The following FSTL4 variants were observed in gnomAD, a reference collection of about 807,000 sequenced individuals.
The protein encoded by FSTL4 is follistatin like 4, also known as follistatin-related protein 4.
Under a neutral mutation model 78.2 loss-of-function variants are expected in FSTL4, and 28 were observed. The ratio of observed to expected loss-of-function variants is 0.36; its 90% CI spans 0.27 to 0.49. The LOEUF is 0.49. Among genes scored for constraint, FSTL4 ranks in the 20% least tolerant of loss-of-function variants. FSTL4 has a pLI of 0.98. For missense variants in FSTL4, 922 were observed against 1,084.9 expected, an observed-to-expected ratio of 0.85 and a Z score of 2.11; for synonymous variants, 422 against 440.5, an observed-to-expected ratio of 0.96 and a Z score of 0.53.
At chr5:133,316,427 A>C in intron 5 of FSTL4, 32 bp downstream of exon 5, 1 of 1,574,514 alleles carries the variant, frequency 6.4e-7, no homozygotes, top group South Asian at 1.1e-5. Context: ...GGATTCCTCC[A>C]TCATGTGACT....
At chr5:133,673,705 A>G in the FSTL4 span, among the ~76,000 whole-genome samples, 7 of 152,124 alleles carry the variant, frequency 4.6e-5, no homozygotes, top group African/African-American at 1.4e-4. Flanking sequence ...TATTATATGC[A>G]CAGAGCTCTG....
At chr5:133,340,612 G>A (rs1754558719) in intron 4 of FSTL4, among the ~76,000 whole-genome samples, 1 of 152,134 alleles carries the variant, frequency 6.6e-6, no homozygotes, top group South Asian at 2.1e-4. Flanking sequence ...GCCACCAGGA[G>A]AAGGCAGGAA....
intron 4 of FSTL4, among the ~76,000 whole-genome samples, chr5:133,375,941 T>G (rs1261197229): frequency 6.6e-6 from 1 of 152,224 alleles, no homozygotes; most frequent in Non-Finnish European, 1.5e-5. Flanking sequence ...AATGGAGAGA[T>G]ATACTATGTT....
chr5:133,612,410 C>T lies in FSTL4; in HGVS notation c.-96G>A, dbSNP rs1761118663. The T allele has an allele frequency of 6.6e-6, 1 of 151,956 alleles. No homozygotes were observed. Among genetic ancestry groups the T allele is most frequent in the Admixed American group, 6.6e-5 (1 of 15,256 alleles). 9.4% of individuals were successfully genotyped at this position (151,956 alleles called of 1,614,324 possible). ...CACCCCGTGGCGGCGGCGGCGACCC[C>T]GCCCCGCGTCCTTCGGCTGGTTTCT... On this transcript the variant is annotated 5_prime_UTR_variant, in exon 1 of 16. Transcript: ENST00000265342. This position sits in a 1 kb window ranked among gnomAD's most constrained non-coding sequence, Gnocchi z 6.2.
chr5:133,550,542 C>G (rs1008456723), intron 3 of FSTL4, among the ~76,000 whole-genome samples: 1 of 152,198 alleles, frequency 6.6e-6, no homozygotes, highest in African/African-American at 2.4e-5. Context: ...AGAGCCTACT[C>G]AGAAGGTGGG....
At chr5:133,406,137 G>T (rs1474024027) in intron 3 of FSTL4, among the ~76,000 whole-genome samples, 1 of 152,258 alleles carries the variant, frequency 6.6e-6, no homozygotes, top group Non-Finnish European at 1.5e-5. Context: ...ACTCTGGTCA[G>T]GGAAGCCTCT....
chr5:133,802,070 G>A, the FSTL4 span, among the ~76,000 whole-genome samples: 2 of 152,160 alleles, frequency 1.3e-5, no homozygotes, highest in Non-Finnish European at 2.9e-5. Flanking sequence ...CTCTCCTTCA[G>A]AGCACTTAGC....
chr5:133,241,628 TGAA>T (rs1751876754), intron 7 of FSTL4, among the ~76,000 whole-genome samples: 1 of 152,166 alleles, frequency 6.6e-6, no homozygotes, highest in Non-Finnish European at 1.5e-5. Context: ...CCTGAGCCCT[TGAA>T]TGGGGCTTTG....
chr5:133,667,196 C>T, the FSTL4 span, among the ~76,000 whole-genome samples: 2 of 151,344 alleles, frequency 1.3e-5, no homozygotes, highest in African/African-American at 4.9e-5. Context: ...TCTGCCCTCT[C>T]TCTCATAATT....
At chr5:133,839,333 C>T in the FSTL4 span, among the ~76,000 whole-genome samples, 1 of 152,196 alleles carries the variant, frequency 6.6e-6, no homozygotes, top group Non-Finnish European at 1.5e-5. Flanking sequence ...GAGTACTGCA[C>T]AAAGAATATT....
chr5:133,514,262 G>A (rs1044542572), intron 3 of FSTL4, among the ~76,000 whole-genome samples: 10 of 151,232 alleles, frequency 6.6e-5, no homozygotes, highest in African/African-American at 2.2e-4. Context: ...AATCTCTAGA[G>A]AAGAGGAACA....
At chr5:133,774,714 T>A in the FSTL4 span, among the ~76,000 whole-genome samples, 39 of 152,334 alleles carry the variant, frequency 2.6e-4, no homozygotes, top group East Asian at 3.7e-3. Context: ...TACTTATAGA[T>A]AAAGCTATTA....
At chr5:133,455,261 C>T (rs184485562) in intron 3 of FSTL4, among the ~76,000 whole-genome samples, 334 of 152,268 alleles carry the variant, frequency 2.2e-3, no homozygotes, top group Middle Eastern at 0.01. Context: ...ACTTCCTAGC[C>T]TTCCTGCTTT....
intron 6 of FSTL4, among the ~76,000 whole-genome samples, chr5:133,268,997 C>T (rs1308701066): frequency 1.1e-4 from 16 of 151,800 alleles, no homozygotes; most frequent in African/African-American, 2.4e-4. Flanking sequence ...CTGGCTAACA[C>T]GGTGAAACCC....
the FSTL4 span, among the ~76,000 whole-genome samples, chr5:133,639,783 G>A: frequency 0.73 from 110,792 of 152,126 alleles, 40,621 homozygotes; most frequent in African/African-American, 0.81. Context: ...GCTTTTATCC[G>A]CATCTTATGT....
the FSTL4 span, among the ~76,000 whole-genome samples, chr5:133,727,326 A>T: frequency 2.0e-5 from 3 of 151,964 alleles, no homozygotes; most frequent in Middle Eastern, 3.4e-3. Flanking sequence ...AGACCAGAAC[A>T]CTAGTTTAAA....
intron 3 of FSTL4, among the ~76,000 whole-genome samples, chr5:133,513,412 C>T (rs1452677115): frequency 2.6e-5 from 4 of 152,048 alleles, no homozygotes; most frequent in African/African-American, 4.8e-5. Flanking sequence ...AAATTCACAC[C>T]GACACAGTGG....
At chr5:133,542,462 T>A (rs1242198280) in intron 3 of FSTL4, among the ~76,000 whole-genome samples, 1 of 152,196 alleles carries the variant, frequency 6.6e-6, no homozygotes, top group African/African-American at 2.4e-5. Flanking sequence ...GTGTCAAGTT[T>A]ATGTTATTCT....
the FSTL4 span, among the ~76,000 whole-genome samples, chr5:133,645,235 T>C: frequency 6.6e-6 from 1 of 152,188 alleles, no homozygotes; most frequent in African/African-American, 2.4e-5. Context: ...AGAGGGTCTC[T>C]GAAACTGGGG....
Sources: allele counts gnomAD v4.1 joint callset (sites outside exome capture counted in the v4.1 genomes callset), GRCh38; gene constraint gnomAD v4.1.1; non-coding constraint Gnocchi (gnomAD v3.1); transcripts MANE v1.5; gene names NCBI Gene and HGNC (gene_info 2026-07-23, HGNC 2026-07-21).